Variants in PCDHA7 observed in about 807,000 individuals in gnomAD.
The protein encoded by PCDHA7 is protocadherin alpha 7.
In PCDHA7, 37 loss-of-function variants were observed where a neutral mutation model predicts 57.2. The ratio of observed to expected loss-of-function variants is 0.65; its 90% CI spans 0.50 to 0.85. The LOEUF (loss-of-function observed/expected upper bound fraction) is 0.85. Ranked by LOEUF, PCDHA7 falls within the 40% of genes least tolerant of loss-of-function variation. PCDHA7 has a pLI of 0.00. For synonymous variants in PCDHA7, 553 were observed against 558.8 expected (o/e 0.99, Z 0.15); for missense variants, 1,188 against 1,241.8 (o/e 0.96, Z 0.65).
chr5:140,891,708 C>A (rs1422243783), intron 1 of PCDHA7, among the ~76,000 whole-genome samples: 1 of 152,182 alleles, frequency 6.6e-6, no homozygotes, highest in Middle Eastern at 3.4e-3. Flanking sequence ...TGAATTTGTA[C>A]CCCCAAATTC....
chr5:140,843,674 G>A (rs2150364800), intron 1 of PCDHA7: 16 of 1,592,324 alleles, frequency 1.0e-5, no homozygotes, highest in Middle Eastern at 1.7e-4. Context: ...ATCAGTTGAT[G>A]TAGGCGAAGA....
chr5:140,950,896 A>G (rs1023778505), intron 1 of PCDHA7, among the ~76,000 whole-genome samples: 1 of 151,834 alleles, frequency 6.6e-6, no homozygotes, highest in Non-Finnish European at 1.5e-5. Context: ...TCTGAGATTT[A>G]TTTTATTTTT....
intron 1 of PCDHA7, chr5:140,869,708 G>C: frequency 9.3e-6 from 15 of 1,613,408 alleles, no homozygotes; most frequent in Non-Finnish European, 1.3e-5. Flanking sequence ...TCTCTGGATA[G>C]AGAGAAAACT....
At chr5:140,876,310 G>C (rs1167952130) in intron 1 of PCDHA7, 2 of 1,613,982 alleles carry the variant, frequency 1.2e-6, no homozygotes, top group Non-Finnish European at 1.7e-6. Context: ...AATTTCCTAT[G>C]GGATCAAAAT....
chr5:140,846,294 A>G (rs2150386529), intron 1 of PCDHA7, among the ~76,000 whole-genome samples: 1 of 149,296 alleles, frequency 6.7e-6, no homozygotes, highest in Non-Finnish European at 1.5e-5. Flanking sequence ...AGTTCTATGA[A>G]TTAAGTAAAC....
intron 1 of PCDHA7, among the ~76,000 whole-genome samples, chr5:140,912,772 A>T (rs897864498): frequency 1.3e-5 from 2 of 152,190 alleles, no homozygotes; most frequent in South Asian, 4.1e-4. Flanking sequence ...ACTTTGAGGT[A>T]TGTCCCTTCT....
At chr5:140,931,444 A>T (rs2087532526) in intron 1 of PCDHA7, among the ~76,000 whole-genome samples, 1 of 135,860 alleles carries the variant, frequency 7.4e-6, no homozygotes, top group Non-Finnish European at 1.6e-5. Context: ...TTAGCTATTT[A>T]AAAGGAAAAA....
intron 1 of PCDHA7, chr5:140,865,230 G>A (rs1393795782): frequency 6.6e-6 from 1 of 152,136 alleles, no homozygotes; most frequent in Non-Finnish European, 1.5e-5. Flanking sequence ...GGATCCCAGA[G>A]AACACGTATT....
chr5:140,926,215 C>T (rs2083014396), intron 1 of PCDHA7, among the ~76,000 whole-genome samples: 1 of 152,170 alleles, frequency 6.6e-6, no homozygotes, highest in Non-Finnish European at 1.5e-5. Flanking sequence ...CTCCTGTTTC[C>T]TTAAGCCTAG....
intron 1 of PCDHA7, among the ~76,000 whole-genome samples, chr5:140,920,226 T>C (rs190564528): frequency 6.6e-6 from 1 of 152,042 alleles, no homozygotes; most frequent in East Asian, 1.9e-4. Context: ...ACATTTATAG[T>C]ATTATATACC....
At chr5:140,863,178 C>A (rs1420894530) in intron 1 of PCDHA7, 10 of 736,748 alleles carry the variant, frequency 1.4e-5, no homozygotes, top group Admixed American at 1.3e-4. Context: ...TGACTGCCAC[C>A]GTCACCGTGG....
chr5:140,997,984 A>G (rs1004761154), intron 3 of PCDHA7, among the ~76,000 whole-genome samples: 4 of 152,188 alleles, frequency 2.6e-5, no homozygotes, highest in Admixed American at 2.6e-4. Context: ...TGCACTTGTT[A>G]CATACTTCCC....
intron 1 of PCDHA7, among the ~76,000 whole-genome samples, chr5:140,965,905 G>A (rs76116187): frequency 0.016 from 2,504 of 152,338 alleles, 69 homozygotes; most frequent in African/African-American, 0.056. Context: ...TGGATCCCAG[G>A]ATGCTGGTTT....
At chr5:140,911,249 C>T (rs782367621) in intron 1 of PCDHA7, among the ~76,000 whole-genome samples, 4 of 152,152 alleles carry the variant, frequency 2.6e-5, no homozygotes, top group African/African-American at 4.8e-5. Context: ...AAAGTTTCAT[C>T]AGAATTTATA....
At chr5:140,924,751 C>T (rs1554202122) in intron 1 of PCDHA7, among the ~76,000 whole-genome samples, 39 of 151,566 alleles carry the variant, frequency 2.6e-4, no homozygotes, top group Non-Finnish European at 5.2e-4. Context: ...AAAAATTAAC[C>T]GAGCATGGTG....
intron 1 of PCDHA7, chr5:140,836,970 C>T: frequency 2.6e-6 from 1 of 381,196 alleles, no homozygotes; most frequent in Non-Finnish European, 4.6e-6. Flanking sequence ...GGCTACTCTC[C>T]ATTTTTGGAG....
At chr5:140,941,950 A>C (rs2093203816) in intron 1 of PCDHA7, among the ~76,000 whole-genome samples, 1 of 152,172 alleles carries the variant, frequency 6.6e-6, no homozygotes, top group Admixed American at 6.5e-5. Context: ...TTTGTTTTGA[A>C]AACAATAGTA....
chr5:140,877,792 CCAAGCCTTCAGCT>C, intron 1 of PCDHA7: 1 of 1,614,004 alleles, frequency 6.2e-7, no homozygotes, highest in East Asian at 2.2e-5. Context: ...GGCCTTCAGC[CCAAGCCTTCAGCT>C]GTCTCGAGAA....
chr5:140,841,896 T>C (rs2150325058), intron 1 of PCDHA7: 14 of 1,613,838 alleles, frequency 8.7e-6, no homozygotes, highest in Non-Finnish European at 1.0e-5. Flanking sequence ...AATAAACTGG[T>C]TGAGCTCGTA....
Sources: gnomAD v4.1 joint callset for allele counts (sites outside exome capture counted in the v4.1 genomes callset) on GRCh38, gnomAD v4.1.1 for gene constraint, MANE v1.5 for transcripts, NCBI Gene and HGNC (gene_info 2026-07-23, HGNC 2026-07-21) for gene names.